Variants in MELTF observed in about 807,000 individuals in gnomAD.
MELTF encodes the protein melanotransferrin.
Under a neutral mutation model 83.7 loss-of-function variants are expected in MELTF, and 67 were observed. The observed-to-expected ratio is 0.80, with a 90% CI of 0.66 to 0.98. MELTF has a LOEUF of 0.98. Among genes scored for constraint, MELTF ranks in the 50% least tolerant of loss-of-function variants. The probability of loss-of-function intolerance (pLI) is 0.00; values close to 1 mark genes in which losing one functional copy is unlikely to be tolerated. For synonymous variants in MELTF, 462 were observed against 447.6 expected, an observed-to-expected ratio of 1.03 and a Z score of -0.41; for missense variants, 1,002 against 1,035.6, an observed-to-expected ratio of 0.97 and a Z score of 0.44.
Position 197,003,437 on chromosome 3 carries a change from C to T in MELTF, c.2152G>A (p.Gly718Arg), listed in dbSNP as rs1026449888. 2.1e-5 allele frequency: 22 copies of T among 1,047,780 alleles called. No homozygotes were observed. The highest frequency in any genetic ancestry group is 3.7e-5 in the African/African-American group (2 of 53,996). 64.9% of individuals were successfully genotyped at this position (1,047,780 alleles called of 1,614,324 possible). The change falls in exon 16 of 16, where the codon GGG becomes AGG. Residue 718 changes from glycine to arginine, a missense_variant. By Grantham distance (125) the Gly-to-Arg change is moderately radical. Transcript: ENST00000296350. This position sits in a 1 kb window ranked among gnomAD's most constrained non-coding sequence, Gnocchi z 6.2. ...QCSGAAAPAP[G>R]APLLPLLLPA... ...AGCAGCAGCGGGAGCAGGGGCGCCCCGGGCGCCGGGGCCGCTGGGGACGAA... is the reference window on the plus strand; with the variant it reads ...AGCAGCAGCGGGAGCAGGGGCGCCCTGGGCGCCGGGGCCGCTGGGGACGAA...
chr3:197,018,403 G>A (rs908217157), intron 6 of MELTF, among the ~76,000 whole-genome samples: 6 of 151,596 alleles, frequency 4.0e-5, no homozygotes, highest in East Asian at 1.9e-4. Flanking sequence ...CACCCACCTC[G>A]GCCTCCCAAA....
In MELTF at chr3:197,016,343, G is replaced by A; in HGVS notation, c.927C>T (p.Ser309=). 1.2e-6 allele frequency: 2 copies of A among 1,603,190 alleles called. No homozygotes were observed. The highest frequency in any genetic ancestry group is 1.7e-6 in the Non-Finnish European group (2 of 1,174,614). Residue 309 remains serine (S), a synonymous_variant, in exon 8 of 16, where the codon AGC becomes AGT. Transcript: ENST00000296350. ...GQRLFSHEGS[S]FQMFSSEAYG... ...AGGCCTCAGAGCTGAACATCTGGAA[G>A]CTGCTGCCCTCGTGGCTGAACAGAC...
At chr3:197,025,734 CGT>C (rs1719829137) in intron 3 of MELTF, 1 of 152,260 alleles carries the variant, frequency 6.6e-6, no homozygotes, top group African/African-American at 2.4e-5. Flanking sequence ...TGGACTGTGC[CGT>C]GTGTCATTTG....
rs773198839 is a variant in MELTF, at chr3:197,008,934, C to T, written c.1557G>A (p.Val519=). The T allele has an allele frequency of 9.9e-6, 16 of 1,613,906 alleles. No homozygotes were observed. The highest frequency in any genetic ancestry group is 1.7e-5 in the Admixed American group (1 of 59,994). ...AVSEFFNASC[V]PVNNPKNYPS... ...GGTAGTTCTTGGGGTTGTTCACGGG[C>T]ACGCAGCTGGCATTGAAGAACTCGC... The change falls in exon 12 of 16, where the codon GTG becomes GTA. Residue 519 remains valine, a synonymous_variant. Transcript: ENST00000296350. The surrounding 1 kb of genome is among the most constrained non-coding windows in gnomAD (Gnocchi z 5.4).
rs1719193172 is a variant in MELTF at position 197,011,680 on chromosome 3, GGACAC to G, written c.1234-891_1234-887del. On this transcript the variant is annotated intron_variant, in intron 9 of 15. Coordinates refer to ENST00000296350, the MANE Select transcript of MELTF (RefSeq NM_005929.6). This position sits in a 1 kb window ranked among gnomAD's most constrained non-coding sequence, Gnocchi z 4.2. Reference sequence around the variant, plus strand: ...CCCCTTCCTATTGTGCTGTCGGGCAGGACACAGACCCTGCACCACAGCCCAGGGCG... The same window carrying G: ...CCCCTTCCTATTGTGCTGTCGGGCAGAGACCCTGCACCACAGCCCAGGGCG... Among the ~76,000 whole-genome samples, 3 of 152,154 alleles carry G rather than the reference GGACAC, an allele frequency of 2.0e-5. No homozygotes were observed. The South Asian group carries it at 6.2e-4, about 32-fold the overall frequency.
chr3:197,018,901 AC>A (rs1719507093), intron 6 of MELTF: 3 of 980,268 alleles, frequency 3.1e-6, no homozygotes, highest in Non-Finnish European at 3.6e-6. Context: ...TTAACACCAA[AC>A]AGGGATATTG....
intron 14 of MELTF, among the ~76,000 whole-genome samples, chr3:197,005,887 TC>T (rs1718956423): frequency 1.3e-5 from 2 of 152,122 alleles, no homozygotes; most frequent in African/African-American, 4.8e-5. Flanking sequence ...ACTTGTTAAC[TC>T]CAGAGCAGAC....
intron 9 of MELTF, among the ~76,000 whole-genome samples, chr3:197,014,591 T>C (rs1446233389): frequency 6.6e-6 from 1 of 152,044 alleles, no homozygotes; most frequent in Non-Finnish European, 1.5e-5. Flanking sequence ...AGTTTCACCA[T>C]GTTGGCCAGG....
In MELTF at chr3:197,023,900, T is replaced by A. The variant is rs558366868; in HGVS notation, c.487+403A>T. 7.9e-4 allele frequency: 368 copies of A among 464,314 alleles called. 6 individuals are homozygous for A. The highest frequency in any genetic ancestry group is 5.5e-3 in the South Asian group (355 of 64,616). 28.8% of individuals were successfully genotyped at this position (464,314 alleles called of 1,614,324 possible). ...AGCTTTCTGGGTGCAAGTCGGCACC[T>A]CGTTTGGGTCCTGAAAAAATAGCAT... On this transcript the variant is annotated intron_variant, in intron 4 of 15. Coordinates refer to ENST00000296350, the MANE Select transcript of MELTF (RefSeq NM_005929.6).
At chr3:197,026,823 C>T in intron 2 of MELTF, 64 bp from the exon 3 acceptor site, 1 of 1,485,480 alleles carries the variant, frequency 6.7e-7, no homozygotes, top group East Asian at 2.3e-5. Context: ...GAACTCGGGA[C>T]ACCTACCAGA....
chr3:197,006,843 A>C lies in MELTF; in HGVS notation c.1751-107T>G. The C allele has an allele frequency of 2.8e-6, 3 of 1,068,444 alleles. No individual in the cohort carries two copies. The highest frequency in any genetic ancestry group is 3.8e-6 in the Non-Finnish European group (3 of 786,902). The allele number at this position is 1,068,444 out of a possible 1,614,324, so 66.2% of individuals were successfully genotyped here. ...AAGGCCTTCACCACAGGGAGGTGGC[A>C]ACATCTGGCCAGCTCCCCAACCCTC... On this transcript the variant is annotated intron_variant, in intron 13 of 15. Transcript: ENST00000296350. This position sits in a 1 kb window ranked among gnomAD's most constrained non-coding sequence, Gnocchi z 5.4.
intron 11 of MELTF, among the ~76,000 whole-genome samples, chr3:197,009,319 A>G (rs1283957832): frequency 6.6e-6 from 1 of 152,094 alleles, no homozygotes; most frequent in African/African-American, 2.4e-5. Context: ...TGCTTGTGTC[A>G]GTGGTTAGAA....
chr3:197,005,626 G>A (rs1053573525), intron 14 of MELTF, among the ~76,000 whole-genome samples: 3 of 152,232 alleles, frequency 2.0e-5, no homozygotes, highest in Non-Finnish European at 2.9e-5. Context: ...CAGGGCTGAG[G>A]ACCTGGGCAT....
chr3:197,013,940 G>A (rs951727208), intron 9 of MELTF, among the ~76,000 whole-genome samples: 6 of 152,212 alleles, frequency 3.9e-5, no homozygotes, highest in South Asian at 2.1e-4. Flanking sequence ...AAAACAGTAC[G>A]GAAGTCCCTC....
chr3:197,025,330 G>C (rs1255394048), intron 3 of MELTF, among the ~76,000 whole-genome samples: 4 of 152,266 alleles, frequency 2.6e-5, no homozygotes. Context: ...CCGCCAACCT[G>C]AGTAGCTCCG....
intron 4 of MELTF, among the ~76,000 whole-genome samples, chr3:197,023,635 C>T (rs1041166466): frequency 4.6e-5 from 7 of 152,178 alleles, no homozygotes; most frequent in Non-Finnish European, 8.8e-5. Context: ...CTGTGCCGCG[C>T]GAGGAGGCCC....
intron 11 of MELTF, among the ~76,000 whole-genome samples, 153 bp downstream of exon 11, chr3:197,009,455 AGCATATGGTG>A (rs1457337556): frequency 6.6e-6 from 1 of 152,170 alleles, no homozygotes; most frequent in Non-Finnish European, 1.5e-5. Flanking sequence ...CTTCATGTAT[AGCATATGGTG>A]GGTCCTTCTG....
intron 9 of MELTF, among the ~76,000 whole-genome samples, chr3:197,014,794 C>T (rs893992237): frequency 6.6e-6 from 1 of 152,184 alleles, no homozygotes; most frequent in Non-Finnish European, 1.5e-5. Context: ...TGCATGTTCT[C>T]CACACGGAGA....
Position 197,003,893 on chromosome 3 carries a change from T to A in MELTF, c.2137+8A>T, listed in dbSNP as rs1454870421. On this transcript the variant is annotated splice_region_variant and intron_variant, in intron 15 of 15. Coordinates refer to ENST00000296350, the MANE Select transcript of MELTF (RefSeq NM_005929.6). This position sits in a 1 kb window ranked among gnomAD's most constrained non-coding sequence, Gnocchi z 6.2. ...ACCAGGGGAGGCGGCAGGGCGGGCC[T>A]GTCCTACCTGCGCCCGAGCACTGCT... is the stretch of plus-strand genomic sequence containing the variant. 6.2e-7 allele frequency: 1 copy of A among 1,612,350 alleles called. No homozygotes were observed. The highest frequency in any genetic ancestry group is 8.5e-7 in the Non-Finnish European group (1 of 1,179,516).
Sources: allele counts gnomAD v4.1 joint callset (sites outside exome capture counted in the v4.1 genomes callset), GRCh38; gene constraint gnomAD v4.1.1; non-coding constraint Gnocchi (gnomAD v3.1); transcripts MANE v1.5; gene names NCBI Gene and HGNC (gene_info 2026-07-23, HGNC 2026-07-21).